CAMTA1: variants seen among roughly 807,000 people sequenced by gnomAD.
The protein encoded by CAMTA1 is calmodulin binding transcription activator 1, also known as calmodulin-binding transcription activator 1.
CAMTA1 carries 27 observed loss-of-function variants against 170.9 expected under a neutral mutation model. The ratio of observed to expected loss-of-function variants is 0.16; its 90% CI spans 0.12 to 0.22. CAMTA1 has a LOEUF of 0.22. CAMTA1 is among the 10% of genes least tolerant of loss of function. CAMTA1 has a pLI of 1.00. For synonymous variants in CAMTA1, 833 were observed against 891.5 expected (o/e 0.93, Z 1.17); for missense variants, 1,619 against 2,217.2 (o/e 0.73, Z 5.42).
chr1:6,988,247 G>A (rs1397310463), intron 3 of CAMTA1, among the ~76,000 whole-genome samples: 1 of 152,096 alleles, frequency 6.6e-6, no homozygotes, highest in South Asian at 2.1e-4. Flanking sequence ...GGGCCGTGAC[G>A]CTCCGAAAGC....
chr1:7,644,357 G>C (rs2095789005), intron 7 of CAMTA1, among the ~76,000 whole-genome samples: 1 of 152,192 alleles, frequency 6.6e-6, no homozygotes, highest in African/African-American at 2.4e-5. Context: ...GGAATTCCCA[G>C]GACATTCCCA....
intron 3 of CAMTA1, among the ~76,000 whole-genome samples, chr1:6,832,196 A>G (rs1248988511): frequency 6.6e-6 from 1 of 151,398 alleles, no homozygotes. Flanking sequence ...CAATCCTCCC[A>G]TGTCAGCTTC....
chr1:7,727,272 G>A (rs1249500120), intron 11 of CAMTA1, among the ~76,000 whole-genome samples: 3 of 151,978 alleles, frequency 2.0e-5, no homozygotes, highest in Non-Finnish European at 2.9e-5. Flanking sequence ...ACAGGCGCCC[G>A]CCACCACACC....
chr1:7,173,116 G>T lies in CAMTA1; in HGVS notation c.303-76375G>T, dbSNP rs151075424. On this transcript the variant is annotated intron_variant, in intron 4 of 22. Coordinates refer to ENST00000303635, the MANE Select transcript of CAMTA1 (RefSeq NM_015215.4). The surrounding 1 kb of genome is among the most constrained non-coding windows in gnomAD (Gnocchi z 5.4). ...ACGCTGCGTCCCTCCTGTCTCTTCA[G>T]CTGCGCCTTCCTCAGGAGAGACAGA... Among the ~76,000 whole-genome samples the T allele has an allele frequency of 3.9e-3, 599 of 152,312 alleles. 7 individuals are homozygous for T. The highest frequency in any genetic ancestry group is 0.014 in the African/African-American group (573 of 41,580).
rs577231867 is a variant in CAMTA1 at position 7,456,883 on chromosome 1, G to A, written c.439-10947G>A. Among the ~76,000 whole-genome samples, 18 of 152,202 alleles carry A rather than the reference G, an allele frequency of 1.2e-4. No homozygotes were observed. The highest frequency in any genetic ancestry group is 9.2e-4 in the Admixed American group (14 of 15,280). On this transcript the variant is annotated intron_variant, in intron 5 of 22. Transcript: ENST00000303635. This position sits in a 1 kb window ranked among gnomAD's most constrained non-coding sequence, Gnocchi z 4.9. ...CTGGACGTGACCCTAAGCAGCAGGC[G>A]CTAGAGCTGACGAGAACAGCCCATG...
At position 6,912,504 on chromosome 1, in the gene CAMTA1, G is replaced by A. The variant is rs149980535; in HGVS notation, c.234+87294G>A. 3.3e-5 allele frequency among the ~76,000 whole-genome samples: 5 copies of A among 152,288 alleles called. No individual in the cohort carries two copies. In the East Asian group the frequency reaches 5.8e-4, roughly 18 times the overall value. ...AGTCTGTCTTTACATAAAGAGCCCC[G>A]GGGAATTAACATTTCTTGGTACTTT... On this transcript the variant is annotated intron_variant, in intron 3 of 22. Coordinates refer to ENST00000303635, the MANE Select transcript of CAMTA1 (RefSeq NM_015215.4).
intron 3 of CAMTA1, among the ~76,000 whole-genome samples, chr1:6,947,281 T>A (rs1230491831): frequency 6.6e-6 from 1 of 152,230 alleles, no homozygotes; most frequent in African/African-American, 2.4e-5. Flanking sequence ...TTCAAAATTG[T>A]TTGAAATCTT....
intron 5 of CAMTA1, among the ~76,000 whole-genome samples, chr1:7,275,141 C>A (rs1430213397): frequency 8.8e-5 from 5 of 57,116 alleles, no homozygotes; most frequent in African/African-American, 7.5e-5. Flanking sequence ...AGTGAGATTC[C>A]ATCTCAAAAA....
chr1:7,230,209 C>T (rs1031564180), intron 4 of CAMTA1, among the ~76,000 whole-genome samples: 6 of 152,104 alleles, frequency 3.9e-5, no homozygotes, highest in African/African-American at 9.7e-5. Context: ...TCCACAGCTG[C>T]GCTTTTGGTT....
chr1:7,235,869 G>T (rs1045728938), intron 4 of CAMTA1, among the ~76,000 whole-genome samples: 4 of 152,174 alleles, frequency 2.6e-5, no homozygotes, highest in African/African-American at 4.8e-5. Context: ...GGATTGGACC[G>T]CCCAAGAAGG....
chr1:7,049,902 G>T lies in CAMTA1; in HGVS notation c.235-41402G>T, dbSNP rs143810234. Among the ~76,000 whole-genome samples the T allele has an allele frequency of 1.9e-3, 285 of 152,354 alleles. 2 individuals are homozygous for T. Among genetic ancestry groups the T allele is most frequent in the African/African-American group, 6.7e-3 (277 of 41,578 alleles). ...AGCAGCCCAGAGTCTCTGCCTTCAAGGAGCTGATGTTCTGGTGGGAGGAGG... is the reference window on the plus strand; with the variant it reads ...AGCAGCCCAGAGTCTCTGCCTTCAATGAGCTGATGTTCTGGTGGGAGGAGG... On this transcript the variant is annotated intron_variant, in intron 3 of 22. Coordinates refer to ENST00000303635, the MANE Select transcript of CAMTA1 (RefSeq NM_015215.4).
In CAMTA1 at chr1:7,234,357, C is replaced by G. The variant is rs1487855414; in HGVS notation, c.303-15134C>G. On this transcript the variant is annotated intron_variant, in intron 4 of 22. Transcript: ENST00000303635. The surrounding 1 kb of genome is among the most constrained non-coding windows in gnomAD (Gnocchi z 5.0). Reference sequence around the variant, plus strand: ...GGCCTCTTGGCTGCCCATTGCCACCCACTCACAGCTGTTCTCAAACCCACT... The same window carrying G: ...GGCCTCTTGGCTGCCCATTGCCACCGACTCACAGCTGTTCTCAAACCCACT... Among the ~76,000 whole-genome samples the G allele has an allele frequency of 1.3e-5, 2 of 152,174 alleles. No individual in the cohort carries two copies. Among genetic ancestry groups the G allele is most frequent in the Non-Finnish European group, 2.9e-5 (2 of 68,034 alleles).
chr1:7,350,067 G>T (rs1169888174), intron 5 of CAMTA1, among the ~76,000 whole-genome samples: 1 of 152,228 alleles, frequency 6.6e-6, no homozygotes, highest in East Asian at 1.9e-4. Context: ...CTCACCTATG[G>T]ATCCTCAACT....
At position 6,918,915 on chromosome 1, in the gene CAMTA1, C is replaced by A. The variant is rs1274358096; in HGVS notation, c.234+93705C>A. ...CCTCAAATTCAAGGGTGTGGCCGCT[C>A]CAAAGGCACCACAGGCCACAGAGAA... On this transcript the variant is annotated intron_variant, in intron 3 of 22. Transcript: ENST00000303635. This position sits in a 1 kb window ranked among gnomAD's most constrained non-coding sequence, Gnocchi z 4.0. 6.6e-6 allele frequency among the ~76,000 whole-genome samples: 1 copy of A among 152,288 alleles called. No homozygotes were observed. The highest frequency in any genetic ancestry group is 1.9e-4 in the East Asian group (1 of 5,162).
chr1:7,765,505 T>A (rs1270472763), intron 22 of CAMTA1, among the ~76,000 whole-genome samples: 1 of 152,208 alleles, frequency 6.6e-6, no homozygotes, highest in African/African-American at 2.4e-5. Context: ...AAGTACCTTA[T>A]CAGTATCGCA....
At chr1:7,327,281 C>T (rs2082743147) in intron 5 of CAMTA1, among the ~76,000 whole-genome samples, 1 of 151,718 alleles carries the variant, frequency 6.6e-6, no homozygotes. Flanking sequence ...TGGTGGGCGC[C>T]TGTAGTCCCA....
intron 6 of CAMTA1, among the ~76,000 whole-genome samples, chr1:7,607,855 G>T (rs1297875994): frequency 6.6e-6 from 1 of 152,202 alleles, no homozygotes; most frequent in African/African-American, 2.4e-5. Context: ...TTGGACTCAG[G>T]CTAAGAAAGA....
chr1:7,209,179 T>C (rs1163083231), intron 4 of CAMTA1, among the ~76,000 whole-genome samples: 1 of 152,158 alleles, frequency 6.6e-6, no homozygotes, highest in Non-Finnish European at 1.5e-5. Context: ...TGCTCTAGAG[T>C]CTACGCTGTT....
chr1:6,905,795 A>C (rs973215507), intron 3 of CAMTA1, among the ~76,000 whole-genome samples: 2 of 152,090 alleles, frequency 1.3e-5, no homozygotes, highest in African/African-American at 4.8e-5. Flanking sequence ...TGCATCTCTT[A>C]TTGCGTGTTC....
Sources: allele counts gnomAD v4.1 joint callset (sites outside exome capture counted in the v4.1 genomes callset), GRCh38; gene constraint gnomAD v4.1.1; non-coding constraint Gnocchi (gnomAD v3.1); transcripts MANE v1.5; gene names NCBI Gene and HGNC (gene_info 2026-07-23, HGNC 2026-07-21).